ARHGAP1: variants seen among roughly 807,000 people sequenced by gnomAD.
ARHGAP1 encodes the protein Rho GTPase activating protein 1.
In ARHGAP1, 23 loss-of-function variants were observed where a neutral mutation model predicts 52.2. The observed-to-expected ratio is 0.44, with a 90% confidence interval of 0.32 to 0.62. The LOEUF is 0.62. ARHGAP1 is among the 20% of genes least tolerant of loss of function. The probability of loss-of-function intolerance (pLI) is 0.05; values close to 1 mark genes in which losing one functional copy is unlikely to be tolerated. For synonymous variants in ARHGAP1, 210 were observed against 228.4 expected, an observed-to-expected ratio of 0.92 and a Z score of 0.73; for missense variants, 480 against 560.9, an observed-to-expected ratio of 0.86 and a Z score of 1.46.
Position 46,679,896 on chromosome 11 carries a change from G to A in ARHGAP1, c.899-120C>T. Reference sequence around the variant, plus strand: ...ACACTGCATAAGCCCCTCCTCCCAGGGGCGCCCTCTGACACCTGCCTCCCT... The same window carrying A: ...ACACTGCATAAGCCCCTCCTCCCAGAGGCGCCCTCTGACACCTGCCTCCCT... On this transcript the variant is annotated intron_variant, in intron 10 of 12. Transcript: ENST00000311956. The surrounding 1 kb of genome is among the most constrained non-coding windows in gnomAD (Gnocchi z 4.4). 1 of 1,471,082 alleles carries A rather than the reference G, an allele frequency of 6.8e-7. No individual in the cohort carries two copies. The highest frequency in any genetic ancestry group is 9.0e-7 in the Non-Finnish European group (1 of 1,105,144). 91.1% of individuals were successfully genotyped at this position (1,471,082 alleles called of 1,614,324 possible). A position where few individuals can be genotyped will look rare whatever the true frequency, so the allele number is the denominator to read the frequency against.
intron 3 of ARHGAP1, among the ~76,000 whole-genome samples, chr11:46,689,015 CG>C (rs2064592113): frequency 6.8e-6 from 1 of 147,342 alleles, no homozygotes; most frequent in African/African-American, 2.5e-5. Context: ...ACCTGGGAGG[CG>C]GAGGTTGCAG....
rs1209277495 is a variant in ARHGAP1, at chr11:46,679,826, A to C, written c.899-50T>G. 2 of 1,608,972 alleles carry C rather than the reference A, an allele frequency of 1.2e-6. No individual in the cohort carries two copies. Among genetic ancestry groups the C allele is most frequent in the Non-Finnish European group, 1.7e-6 (2 of 1,178,864 alleles). On this transcript the variant is annotated intron_variant, in intron 10 of 12. Transcript: ENST00000311956. This position sits in a 1 kb window ranked among gnomAD's most constrained non-coding sequence, Gnocchi z 4.4. The stretch of plus-strand genomic sequence containing the variant: ...AGCTCGGCACAGCCTGAAGGGCAGC[A>C]CCCATCTGCAGACAACGCGGGCCGC...
At chr11:46,697,886 A>ATT (rs2064668755) in intron 1 of ARHGAP1, among the ~76,000 whole-genome samples, 1 of 151,986 alleles carries the variant, frequency 6.6e-6, no homozygotes, top group Admixed American at 6.6e-5. Flanking sequence ...ACCCTTCAAT[A>ATT]TCTACATGTG....
chr11:46,693,937 A>G (rs993422619), intron 3 of ARHGAP1, among the ~76,000 whole-genome samples: 1 of 152,226 alleles, frequency 6.6e-6, no homozygotes, highest in African/African-American at 2.4e-5. Flanking sequence ...ACCACTGGAA[A>G]GAACCCACTG....
intron 4 of ARHGAP1, among the ~76,000 whole-genome samples, chr11:46,683,130 C>T (rs1159974791): frequency 6.8e-6 from 1 of 146,596 alleles, no homozygotes; most frequent in Non-Finnish European, 1.5e-5. Flanking sequence ...CCTTGACCTC[C>T]CAGGCTTAAG....
At chr11:46,695,810 C>A (rs2064648400) in intron 2 of ARHGAP1, 55 bp from the exon 3 acceptor site, 1 of 1,557,142 alleles carries the variant, frequency 6.4e-7, no homozygotes, top group East Asian at 2.4e-5. Context: ...CCATGCTCTG[C>A]CCCACAGGCA....
chr11:46,679,037 T>A lies in ARHGAP1; in HGVS notation c.1320A>T (p.Ter440CysextTer12). Residue 440 changes from the stop codon to cysteine, a stop_lost, in exon 13 of 13, where the codon TGA becomes TGT. Coordinates refer to ENST00000311956, the MANE Select transcript of ARHGAP1 (RefSeq NM_004308.5). This position sits in a 1 kb window ranked among gnomAD's most constrained non-coding sequence, Gnocchi z 4.4. ...GGGGCTGGTGGGGCAGGGGCCAGGT[T>A]CAGAGCCCGCTGGGGTCCGGGCTTG... ...LFPSPDPSGL* is the reference protein window; with the variant it reads ...LFPSPDPSGLC 6.2e-7 allele frequency: 1 copy of A among 1,614,074 alleles called. No individual in the cohort carries two copies. The highest frequency in any genetic ancestry group is 1.1e-5 in the South Asian group (1 of 91,080).
chr11:46,691,380 G>A (rs2064614153), intron 3 of ARHGAP1, among the ~76,000 whole-genome samples: 1 of 151,714 alleles, frequency 6.6e-6, no homozygotes, highest in African/African-American at 2.4e-5. Flanking sequence ...CACCTCCTAA[G>A]TTCAAGAGAT....
Position 46,696,860 on chromosome 11 carries a change from A to T in ARHGAP1, c.-49-704T>A, listed in dbSNP as rs1287860679. 6.6e-6 allele frequency among the ~76,000 whole-genome samples: 1 copy of T among 152,028 alleles called. No individual in the cohort carries two copies. The highest frequency in any genetic ancestry group is 1.5e-5 in the Non-Finnish European group (1 of 68,004). ...CTTCCAGCCTAGGCGACAGGGCAAG[A>T]CTCCATCCCAAAAAAATAAAAATAA... On this transcript the variant is annotated intron_variant, in intron 1 of 12. Transcript: ENST00000311956. This position sits in a 1 kb window ranked among gnomAD's most constrained non-coding sequence, Gnocchi z 4.8.
At chr11:46,687,312 G>GA (rs2064578664) in intron 4 of ARHGAP1, 1 of 152,318 alleles carries the variant, frequency 6.6e-6, no homozygotes, top group South Asian at 2.1e-4. Flanking sequence ...TGTGGCCCTG[G>GA]CTTGCCAGGA....
chr11:46,689,933 T>C (rs547543448), intron 3 of ARHGAP1, among the ~76,000 whole-genome samples: 1 of 152,332 alleles, frequency 6.6e-6, no homozygotes, highest in East Asian at 1.9e-4. Context: ...GCACCCCCGC[T>C]GAGCAGTGTG....
At chr11:46,694,717 G>T (rs187988808) in intron 3 of ARHGAP1, among the ~76,000 whole-genome samples, 315 of 152,342 alleles carry the variant, frequency 2.1e-3, no homozygotes, top group African/African-American at 7.4e-3. Flanking sequence ...TTCTGCAGGG[G>T]GTGAATGAGG....
rs1421131635 is a variant in ARHGAP1, at chr11:46,678,721, CAG to C, written c.*314_*315del. 1 of 337,210 alleles carries C rather than the reference CAG, an allele frequency of 3.0e-6. No homozygotes were observed. Among genetic ancestry groups the C allele is most frequent in the East Asian group, 6.5e-5 (1 of 15,336 alleles). 20.9% of individuals were successfully genotyped at this position (337,210 alleles called of 1,614,324 possible). A position where few individuals can be genotyped will look rare whatever the true frequency, so the allele number is the denominator to read the frequency against. ...GATTCATCCACACTTGCTAGGGAAACAGAGGCAGGAAAAAGCAGGAAAGGGGT... is the reference window on the plus strand; with the variant it reads ...GATTCATCCACACTTGCTAGGGAAACAGGCAGGAAAAAGCAGGAAAGGGGT... On this transcript the variant is annotated 3_prime_UTR_variant, in exon 13 of 13. Coordinates refer to ENST00000311956, the MANE Select transcript of ARHGAP1 (RefSeq NM_004308.5).
At chr11:46,697,760 C>A (rs2064666864) in intron 1 of ARHGAP1, among the ~76,000 whole-genome samples, 1 of 152,204 alleles carries the variant, frequency 6.6e-6, no homozygotes, top group South Asian at 2.1e-4. Flanking sequence ...AAAATATAAT[C>A]CCTTCCCAAG....
chr11:46,699,537 T>C (rs749567466), intron 1 of ARHGAP1, among the ~76,000 whole-genome samples: 11 of 144,020 alleles, frequency 7.6e-5, no homozygotes, highest in Non-Finnish European at 1.7e-4. Flanking sequence ...ACCCCATCTC[T>C]ACTAAAAATA....
At chr11:46,699,108 T>C (rs2064679087) in intron 1 of ARHGAP1, among the ~76,000 whole-genome samples, 1 of 152,230 alleles carries the variant, frequency 6.6e-6, no homozygotes, top group African/African-American at 2.4e-5. Context: ...TAGACTTTTC[T>C]GAAATTGGTA....
chr11:46,683,344 C>T (rs894784635), intron 4 of ARHGAP1, among the ~76,000 whole-genome samples: 2 of 151,906 alleles, frequency 1.3e-5, no homozygotes, highest in African/African-American at 2.4e-5. Context: ...TGCACCTGGC[C>T]GAAAGCCTGC....
At chr11:46,693,796 G>A (rs912301555) in intron 3 of ARHGAP1, among the ~76,000 whole-genome samples, 2 of 152,170 alleles carry the variant, frequency 1.3e-5, no homozygotes, top group Non-Finnish European at 2.9e-5. Context: ...CATTTGTTAA[G>A]CTGTTCAACT....
intron 3 of ARHGAP1, among the ~76,000 whole-genome samples, chr11:46,692,745 T>C (rs1677647200): frequency 6.6e-6 from 1 of 152,160 alleles, no homozygotes; most frequent in Admixed American, 6.6e-5. Context: ...TGAAGTGAAG[T>C]GGCGTGATCT....
Sources: gnomAD v4.1 joint callset for allele counts (sites outside exome capture counted in the v4.1 genomes callset) on GRCh38, gnomAD v4.1.1 for gene constraint, Gnocchi (gnomAD v3.1) non-coding constraint, MANE v1.5 for transcripts, NCBI Gene and HGNC (gene_info 2026-07-23, HGNC 2026-07-21) for gene names.